Variants in CCDC60 observed in about 807,000 individuals in gnomAD.
CCDC60 encodes coiled-coil domain-containing protein 60.
A neutral mutation model predicts 63.5 loss-of-function variants in CCDC60; 54 were observed. That is an observed-to-expected ratio of 0.85 (90% CI 0.68 to 1.07). The LOEUF (loss-of-function observed/expected upper bound fraction) is 1.07, where lower values mean the gene tolerates loss of function less well. CCDC60 is among the 50% of genes least tolerant of loss of function. CCDC60 has a pLI of 0.00. For missense variants in CCDC60, 651 were observed against 684.3 expected (o/e 0.95, Z 0.54); for synonymous variants, 206 against 238.8 (o/e 0.86, Z 1.27).
intron 6 of CCDC60, among the ~76,000 whole-genome samples, chr12:119,503,639 C>T (rs1337601609): frequency 6.6e-6 from 1 of 152,210 alleles, no homozygotes. Flanking sequence ...GCCTCTCCCT[C>T]CTCTTCCCCA....
At chr12:119,452,014 C>T (rs367716356) in intron 2 of CCDC60, among the ~76,000 whole-genome samples, 11 of 152,200 alleles carry the variant, frequency 7.2e-5, no homozygotes, top group South Asian at 4.2e-4. Flanking sequence ...CCCCACAATG[C>T]GCCAAAGGGA....
chr12:119,427,695 C>A (rs1315053205), intron 1 of CCDC60, among the ~76,000 whole-genome samples: 2 of 151,950 alleles, frequency 1.3e-5, no homozygotes, highest in Admixed American at 6.6e-5. Context: ...TCTGAGAGCA[C>A]CCATTTTCCC....
At chr12:119,498,488 A>G (rs561212263) in intron 5 of CCDC60, among the ~76,000 whole-genome samples, 20 of 152,126 alleles carry the variant, frequency 1.3e-4, no homozygotes, top group African/African-American at 3.6e-4. Context: ...GTGCGCCACC[A>G]CACCTGGCTA....
chr12:119,449,742 G>A (rs1950598389), intron 2 of CCDC60, among the ~76,000 whole-genome samples: 1 of 152,090 alleles, frequency 6.6e-6, no homozygotes, highest in African/African-American at 2.4e-5. Flanking sequence ...AGAGTGCATG[G>A]CCAGACAGGT....
intron 1 of CCDC60, among the ~76,000 whole-genome samples, chr12:119,337,456 G>T (rs919450085): frequency 6.6e-6 from 1 of 152,174 alleles, no homozygotes; most frequent in Non-Finnish European, 1.5e-5. Flanking sequence ...TGCAAAACGG[G>T]AATGTCATAG....
chr12:119,445,215 C>G (rs1226858143), intron 2 of CCDC60, among the ~76,000 whole-genome samples: 1 of 151,924 alleles, frequency 6.6e-6, no homozygotes, highest in Non-Finnish European at 1.5e-5. Context: ...GGGTGGATCA[C>G]TTGAGTCCAG....
intron 1 of CCDC60, among the ~76,000 whole-genome samples, chr12:119,343,302 G>A (rs751027421): frequency 2.8e-4 from 42 of 152,080 alleles, no homozygotes; most frequent in African/African-American, 1.4e-4. Context: ...AATTAGCCGC[G>A]TCTGGCAATC....
At chr12:119,407,150 C>T (rs1439916187) in intron 1 of CCDC60, among the ~76,000 whole-genome samples, 5 of 151,930 alleles carry the variant, frequency 3.3e-5, no homozygotes, top group Admixed American at 6.6e-5. Flanking sequence ...GGTGTGTGTA[C>T]GTAAATGGAG....
chr12:119,363,157 A>G (rs1955808014), intron 1 of CCDC60, among the ~76,000 whole-genome samples: 1 of 152,228 alleles, frequency 6.6e-6, no homozygotes, highest in African/African-American at 2.4e-5. Flanking sequence ...GGTGTCAGCC[A>G]TGTATGAGAG....
At chr12:119,395,535 G>A (rs1417648010) in intron 1 of CCDC60, among the ~76,000 whole-genome samples, 1 of 152,182 alleles carries the variant, frequency 6.6e-6, no homozygotes, top group African/African-American at 2.4e-5. Context: ...CACCAGAGGG[G>A]AAATCCACCC....
intron 8 of CCDC60, 84 bp from the exon 9 acceptor site, chr12:119,520,037 A>G: frequency 8.7e-7 from 1 of 1,145,300 alleles, no homozygotes; most frequent in Non-Finnish European, 1.3e-6. Flanking sequence ...CTAGAAAGAG[A>G]ATTCCCCCTC....
intron 1 of CCDC60, among the ~76,000 whole-genome samples, chr12:119,363,423 C>CTGTGTGTGTGTGTGTGTGTGTGTGTG (rs5801335): frequency 2.0e-5 from 3 of 150,660 alleles, no homozygotes; most frequent in African/African-American, 7.3e-5. Context: ...TATGAGTCCT[C>CTGTGTGTGTGTGTGTGTGTGTGTGTG]TGTGTGTGTG....
chr12:119,451,397 C>A (rs958338675), intron 2 of CCDC60, among the ~76,000 whole-genome samples: 2 of 151,212 alleles, frequency 1.3e-5, no homozygotes, highest in South Asian at 2.1e-4. Flanking sequence ...CCCCACCCAG[C>A]CCCACCCCAA....
At chr12:119,404,387 C>T (rs1247180244) in intron 1 of CCDC60, among the ~76,000 whole-genome samples, 1 of 152,196 alleles carries the variant, frequency 6.6e-6, no homozygotes, top group African/African-American at 2.4e-5. Flanking sequence ...TCACTCCCAC[C>T]ACAGCTACAT....
At chr12:119,461,405 GCTC>G (rs1950854695) in intron 2 of CCDC60, among the ~76,000 whole-genome samples, 1 of 152,056 alleles carries the variant, frequency 6.6e-6, no homozygotes, top group Non-Finnish European at 1.5e-5. Context: ...CGCCCATACT[GCTC>G]CTCAAGTCCA....
chr12:119,448,299 T>C (rs1950576053), intron 2 of CCDC60, among the ~76,000 whole-genome samples: 1 of 152,136 alleles, frequency 6.6e-6, no homozygotes, highest in African/African-American at 2.4e-5. Flanking sequence ...TATAAACAAA[T>C]TTATTTTAAA....
intron 1 of CCDC60, among the ~76,000 whole-genome samples, chr12:119,348,704 A>G (rs1955622553): frequency 6.6e-6 from 1 of 152,106 alleles, no homozygotes; most frequent in Non-Finnish European, 1.5e-5. Flanking sequence ...TTGATGTTTT[A>G]TGTGCATCCC....
intron 6 of CCDC60, among the ~76,000 whole-genome samples, chr12:119,501,813 T>A (rs1951860157): frequency 6.6e-6 from 1 of 152,080 alleles, no homozygotes; most frequent in Non-Finnish European, 1.5e-5. Context: ...TGAATTCAAG[T>A]TTGTGGGTCA....
chr12:119,455,857 A>G (rs1950722044), intron 2 of CCDC60, among the ~76,000 whole-genome samples: 1 of 149,036 alleles, frequency 6.7e-6, no homozygotes, highest in Admixed American at 6.7e-5. Context: ...AAGGAAGAAA[A>G]GAAAAGGGAG....
Sources: allele counts gnomAD v4.1 joint callset (sites outside exome capture counted in the v4.1 genomes callset), GRCh38; gene constraint gnomAD v4.1.1; transcripts MANE v1.5; gene names NCBI Gene and HGNC (gene_info 2026-07-23, HGNC 2026-07-21).